Variants in XIRP2 observed in about 807,000 individuals in gnomAD.
XIRP2 encodes the protein xin actin binding repeat containing 2, also known as xin actin-binding repeat-containing protein 2.
A neutral mutation model predicts 277.0 loss-of-function variants in XIRP2; 236 were observed. The observed-to-expected ratio is 0.85, with a 90% confidence interval of 0.77 to 0.95. The LOEUF (loss-of-function observed/expected upper bound fraction) is 0.95, where lower values mean the gene tolerates loss of function less well. Among genes scored for constraint, XIRP2 ranks in the 40% least tolerant of loss-of-function variants. XIRP2 has a pLI of 0.00. For missense variants in XIRP2, 4,640 were observed against 4,157.5 expected (o/e 1.12, Z -3.19); for synonymous variants, 1,490 against 1,416.5 (o/e 1.05, Z -1.17).
intron 2 of XIRP2, among the ~76,000 whole-genome samples, chr2:167,012,889 C>T (rs1402141833): frequency 3.3e-5 from 5 of 151,302 alleles, no homozygotes; most frequent in Non-Finnish European, 5.9e-5. Context: ...CTGTAATTCT[C>T]CAGCGTTTTG....
Position 166,903,833 on chromosome 2 carries a change from G to A in XIRP2, c.351G>A (p.Leu117=). The change falls in exon 2 of 11, where the codon CTG becomes CTA. Residue 117 remains leucine, a synonymous_variant. Coordinates refer to ENST00000409195, the MANE Select transcript of XIRP2 (RefSeq NM_152381.6). ...GCTTTTCCATTGCCCTTGATGAGCTGAGGAGTGTGTTTGAGGCTCCTAAGA... is the reference window on the plus strand; with the variant it reads ...GCTTTTCCATTGCCCTTGATGAGCTAAGGAGTGTGTTTGAGGCTCCTAAGA... ...IERFSIALDE[L]RSVFEAPKSG... The A allele has an allele frequency of 6.2e-7, 1 of 1,613,720 alleles. No homozygotes were observed. Among genetic ancestry groups the A allele is most frequent in the East Asian group, 2.2e-5 (1 of 44,832 alleles).
chr2:167,215,681 G>T (rs1694226104), intron 4 of XIRP2, among the ~76,000 whole-genome samples: 1 of 152,132 alleles, frequency 6.6e-6, no homozygotes, highest in Non-Finnish European at 1.5e-5. Flanking sequence ...CAGGAGACCT[G>T]CTCTGATTTG....
At chr2:167,055,835 TAGAG>T (rs1278482410) in intron 2 of XIRP2, among the ~76,000 whole-genome samples, 1 of 152,186 alleles carries the variant, frequency 6.6e-6, no homozygotes, top group Non-Finnish European at 1.5e-5. Context: ...ATGCATTTTG[TAGAG>T]GGATAGCATA....
intron 2 of XIRP2, among the ~76,000 whole-genome samples, chr2:166,943,118 A>T (rs189929686): frequency 5.7e-4 from 87 of 152,242 alleles, no homozygotes; most frequent in Non-Finnish European, 1.1e-3. Flanking sequence ...TTCTTTTGTT[A>T]TTCACAATAA....
chr2:167,125,260 C>T (rs923617723), intron 2 of XIRP2, among the ~76,000 whole-genome samples: 1 of 152,024 alleles, frequency 6.6e-6, no homozygotes, highest in Non-Finnish European at 1.5e-5. Context: ...TTATCAAGTA[C>T]CTGCCATGTA....
intron 2 of XIRP2, among the ~76,000 whole-genome samples, chr2:167,080,081 G>A (rs974661637): frequency 6.6e-6 from 1 of 152,090 alleles, no homozygotes; most frequent in African/African-American, 2.4e-5. Context: ...GGCCAGTTAG[G>A]AGACTATTGC....
chr2:166,932,900 T>G (rs189163700), intron 2 of XIRP2, among the ~76,000 whole-genome samples: 42 of 152,312 alleles, frequency 2.8e-4, no homozygotes, highest in African/African-American at 9.4e-4. Context: ...TCATTTGGTC[T>G]GTTTGTCCAT....
intron 2 of XIRP2, among the ~76,000 whole-genome samples, chr2:167,023,912 TG>T (rs1274141586): frequency 6.6e-6 from 1 of 152,208 alleles, no homozygotes; most frequent in Non-Finnish European, 1.5e-5. Flanking sequence ...TGTGTTCTTT[TG>T]GCTTAGGATT....
intron 5 of XIRP2, among the ~76,000 whole-genome samples, chr2:167,227,550 G>C: frequency 6.6e-6 from 1 of 151,796 alleles, no homozygotes; most frequent in South Asian, 2.1e-4. Flanking sequence ...AAGAAAAAAT[G>C]TTTTTTAATT....
intron 3 of XIRP2, among the ~76,000 whole-genome samples, chr2:167,158,765 A>T (rs73019953): frequency 0.099 from 15,053 of 152,242 alleles, 798 homozygotes; most frequent in South Asian, 0.15. Flanking sequence ...AACCATTTAG[A>T]TTTTATTGCA....
At chr2:167,155,276 G>T (rs1692152438) in intron 3 of XIRP2, among the ~76,000 whole-genome samples, 1 of 151,720 alleles carries the variant, frequency 6.6e-6, no homozygotes, top group African/African-American at 2.4e-5. Context: ...TACCAAAGCT[G>T]GGCAGAGACA....
rs548380355 is a variant in XIRP2, at chr2:167,243,087, A to G, written c.1695A>G (p.Glu565=). The change falls in exon 9 of 11, where the codon GAA becomes GAG. Residue 565 remains glutamate (E), a synonymous_variant. Transcript: ENST00000409195. ...KDLNSEREYL[E]WDEILKGEVQ... is the part of the protein sequence containing the mutation. ...TGAACTCAGAAAGAGAATACTTGGAATGGGATGAAATTCTGAAGGGAGAGG... is the reference window on the plus strand; with the variant it reads ...TGAACTCAGAAAGAGAATACTTGGAGTGGGATGAAATTCTGAAGGGAGAGG... The G allele has an allele frequency of 4.4e-4, 716 of 1,614,080 alleles. 4 individuals carry two copies. In the South Asian group the frequency reaches 7.4e-3, roughly 17 times the overall value.
chr2:166,959,619 T>TTACA (rs1253842726), intron 2 of XIRP2, among the ~76,000 whole-genome samples: 1 of 151,866 alleles, frequency 6.6e-6, no homozygotes, highest in East Asian at 1.9e-4. Flanking sequence ...TTTATGATGA[T>TTACA]TACATATTCT....
chr2:167,035,099 A>T (rs543214375), intron 2 of XIRP2, among the ~76,000 whole-genome samples: 1 of 152,280 alleles, frequency 6.6e-6, no homozygotes, highest in East Asian at 1.9e-4. Flanking sequence ...TGGAACTGTA[A>T]GTCCAATTAA....
chr2:167,098,745 T>C, intron 2 of XIRP2, among the ~76,000 whole-genome samples: 1 of 152,218 alleles, frequency 6.6e-6, no homozygotes, highest in South Asian at 2.1e-4. Context: ...ATTCTTTTTG[T>C]TGGTGGTGAT....
intron 2 of XIRP2, among the ~76,000 whole-genome samples, chr2:167,061,789 G>A (rs541744951): frequency 6.6e-6 from 1 of 151,994 alleles, no homozygotes; most frequent in African/African-American, 2.4e-5. Flanking sequence ...GGCAACCACC[G>A]AAAGCTAGGA....
At chr2:167,023,618 G>T (rs977938766) in intron 2 of XIRP2, among the ~76,000 whole-genome samples, 2 of 151,996 alleles carry the variant, frequency 1.3e-5, no homozygotes, top group Admixed American at 6.6e-5. Flanking sequence ...AATCCATCTT[G>T]AATTAATTTT....
chr2:167,254,838 A>C (rs942944765), intron 10 of XIRP2, among the ~76,000 whole-genome samples: 7 of 151,642 alleles, frequency 4.6e-5, no homozygotes, highest in African/African-American at 1.7e-4. Context: ...ATTTTCCAAA[A>C]CTCTTGAAGT....
At chr2:167,256,755 T>C (rs1327782239) in intron 10 of XIRP2, among the ~76,000 whole-genome samples, 1 of 151,976 alleles carries the variant, frequency 6.6e-6, no homozygotes, top group Non-Finnish European at 1.5e-5. Flanking sequence ...TTTTTCTAAC[T>C]TCACAGAGCT....
Sources: gnomAD v4.1 joint callset for allele counts (sites outside exome capture counted in the v4.1 genomes callset) on GRCh38, gnomAD v4.1.1 for gene constraint, MANE v1.5 for transcripts, NCBI Gene and HGNC (gene_info 2026-07-23, HGNC 2026-07-21) for gene names.